DCC: variants seen among roughly 807,000 people sequenced by gnomAD.
The protein encoded by DCC is netrin receptor DCC.
In DCC, 58 loss-of-function variants were observed where a neutral mutation model predicts 172.5. The observed-to-expected ratio is 0.34, with a 90% confidence interval of 0.27 to 0.42. The LOEUF (loss-of-function observed/expected upper bound fraction) is 0.42, where lower values mean the gene tolerates loss of function less well. Among genes scored for constraint, DCC ranks in the 10% least tolerant of loss-of-function variants. The pLI is 1.00. For synonymous variants in DCC, 709 were observed against 644.5 expected, an observed-to-expected ratio of 1.10 and a Z score of -1.52; for missense variants, 1,740 against 1,791.0, an observed-to-expected ratio of 0.97 and a Z score of 0.51.
At chr18:53,170,615 T>C (rs2054998740) in intron 8 of DCC, among the ~76,000 whole-genome samples, 1 of 152,232 alleles carries the variant, frequency 6.6e-6, no homozygotes, top group Non-Finnish European at 1.5e-5. Flanking sequence ...TTTGTTATTA[T>C]AAAATAATAG....
At chr18:53,124,404 C>T (rs886535194) in intron 7 of DCC, among the ~76,000 whole-genome samples, 9 of 152,008 alleles carry the variant, frequency 5.9e-5, no homozygotes, top group Non-Finnish European at 1.0e-4. Flanking sequence ...AGTTCATAGT[C>T]AGCAATTTCA....
At position 52,906,243 on chromosome 18, in the gene DCC, G is replaced by A. The variant is rs144555146; in HGVS notation, c.612G>A (p.Pro204=). Residue 204 remains proline (P), a synonymous_variant, in exon 3 of 29, where the codon CCG becomes CCA. Transcript: ENST00000442544. The part of the protein sequence containing the change: ...SGALQISRLQ[P]GDIGIYRCSA... ...CATTGCAGATCAGCCGACTCCAACC[G>A]GGGGACATTGGAATTTACCGATGCT... 6.2e-6 allele frequency: 10 copies of A among 1,613,842 alleles called. No individual in the cohort carries two copies. Among genetic ancestry groups the A allele is most frequent in the African/African-American group, 4.0e-5 (3 of 75,026 alleles).
chr18:52,491,737 T>C (rs1207702385), intron 1 of DCC, among the ~76,000 whole-genome samples: 2 of 151,994 alleles, frequency 1.3e-5, no homozygotes, highest in African/African-American at 4.8e-5. Flanking sequence ...ATGTATGCAA[T>C]ATGGGAGAAG....
Position 53,386,121 on chromosome 18 carries a change from C to T in DCC, c.2438C>T (p.Thr813Ile), listed in dbSNP as rs1278768743. The change falls in exon 16 of 29, where the codon ACC becomes ATC. Residue 813 changes from threonine (T) to isoleucine (I), a missense_variant. This residue lies in a region of DCC where 1,732 missense variants were observed against 1,767.4 expected (regional missense o/e 0.98). Coordinates refer to ENST00000442544, the MANE Select transcript of DCC (RefSeq NM_005215.4). ...GGAGTTCCTCTTTATGAAAGTGCCACCACCAGGTCTATAACCGGTAAGTGA... is the reference window on the plus strand; with the variant it reads ...GGAGTTCCTCTTTATGAAAGTGCCATCACCAGGTCTATAACCGGTAAGTGA... ...GEGVPLYESA[T>I]TRSITDPTDP... The T allele has an allele frequency of 6.2e-7, 1 of 1,608,294 alleles. No individual in the cohort carries two copies. The highest frequency in any genetic ancestry group is 1.7e-5 in the Admixed American group (1 of 60,008).
At chr18:53,070,979 T>TTAAGTTTTGACAATAAACGGTC (rs1161199670) in intron 7 of DCC, among the ~76,000 whole-genome samples, 2 of 152,154 alleles carry the variant, frequency 1.3e-5, no homozygotes, top group Non-Finnish European at 2.9e-5. Context: ...CCCTCTCTGT[T>TTAAGTTTTGACAATAAACGGTC]TAAGTTTTGA....
At chr18:53,296,266 A>G (rs898564149) in intron 12 of DCC, among the ~76,000 whole-genome samples, 2 of 151,650 alleles carry the variant, frequency 1.3e-5, no homozygotes, top group Non-Finnish European at 2.9e-5. Context: ...CAGTCTCTCA[A>G]TCTCTGGATC....
At chr18:52,662,776 G>A (rs986334949) in intron 1 of DCC, among the ~76,000 whole-genome samples, 4 of 152,150 alleles carry the variant, frequency 2.6e-5, no homozygotes, top group African/African-American at 9.7e-5. Flanking sequence ...TAAACTGAGT[G>A]GCTTACACCA....
At chr18:53,528,924 TA>T (rs2046488663) in intron 28 of DCC, among the ~76,000 whole-genome samples, 2 of 151,974 alleles carry the variant, frequency 1.3e-5, no homozygotes, top group Admixed American at 1.3e-4. Flanking sequence ...CAATGAAATC[TA>T]GACAGTTTGA....
At chr18:52,556,588 C>A (rs2032921197) in intron 1 of DCC, among the ~76,000 whole-genome samples, 1 of 152,076 alleles carries the variant, frequency 6.6e-6, no homozygotes, top group South Asian at 2.1e-4. Flanking sequence ...TAGTGTCCTT[C>A]ATTTTCACAG....
chr18:52,950,694 G>C (rs894204060), intron 5 of DCC, among the ~76,000 whole-genome samples: 2 of 151,444 alleles, frequency 1.3e-5, no homozygotes, highest in African/African-American at 4.9e-5. Flanking sequence ...GGAGGCCGAG[G>C]GGGGTGGATC....
chr18:53,171,385 T>C lies in DCC; in HGVS notation c.1419-7577T>C, dbSNP rs183614975. Among the ~76,000 whole-genome samples the C allele has an allele frequency of 2.1e-3, 314 of 152,278 alleles. 2 individuals carry two copies. The Middle Eastern group carries it at 0.024, about 12-fold the overall frequency. ...GAGTTGTCTTGGAGGTGTATTTACATAGCAAGCACAATGCATTTGCCTGGG... is the reference window on the plus strand; with the variant it reads ...GAGTTGTCTTGGAGGTGTATTTACACAGCAAGCACAATGCATTTGCCTGGG... On this transcript the variant is annotated intron_variant, in intron 8 of 28. Coordinates refer to ENST00000442544, the MANE Select transcript of DCC (RefSeq NM_005215.4).
intron 1 of DCC, among the ~76,000 whole-genome samples, chr18:52,612,574 A>C (rs1031391039): frequency 6.8e-6 from 1 of 146,006 alleles, no homozygotes; most frequent in East Asian, 1.9e-4. Context: ...AGGCATTAAC[A>C]TGACTGAACC....
intron 7 of DCC, among the ~76,000 whole-genome samples, chr18:53,108,185 A>ACG (rs2043278603): frequency 6.6e-6 from 1 of 151,504 alleles, no homozygotes; most frequent in Non-Finnish European, 1.5e-5. Context: ...ACAGAAAAAC[A>ACG]CACACACACA....
At chr18:53,310,254 T>C (rs937977431) in intron 13 of DCC, among the ~76,000 whole-genome samples, 3 of 152,106 alleles carry the variant, frequency 2.0e-5, no homozygotes, top group Non-Finnish European at 4.4e-5. Flanking sequence ...CACTTTGTTG[T>C]AAGCAGAAGT....
intron 14 of DCC, among the ~76,000 whole-genome samples, chr18:53,334,360 T>C (rs1226222726): frequency 6.6e-6 from 1 of 152,208 alleles, no homozygotes; most frequent in Non-Finnish European, 1.5e-5. Flanking sequence ...TATAGTAACC[T>C]GGTCTGTAAG....
At chr18:52,444,066 G>A (rs1444582440) in intron 1 of DCC, among the ~76,000 whole-genome samples, 1 of 152,132 alleles carries the variant, frequency 6.6e-6, no homozygotes, top group African/African-American at 2.4e-5. Flanking sequence ...TCAAGAACCT[G>A]GACTGACTGT....
At chr18:52,617,419 C>T (rs2034404091) in intron 1 of DCC, among the ~76,000 whole-genome samples, 1 of 152,020 alleles carries the variant, frequency 6.6e-6, no homozygotes, top group African/African-American at 2.4e-5. Flanking sequence ...GGGATAGGGG[C>T]TTCGTCATCC....
intron 2 of DCC, among the ~76,000 whole-genome samples, chr18:52,871,335 G>C (rs564254027): frequency 7.0e-6 from 1 of 143,118 alleles, no homozygotes; most frequent in African/African-American, 2.6e-5. Flanking sequence ...TTTTTTTTTT[G>C]GCTGCCCACA....
At chr18:53,232,301 G>A (rs1306231537) in intron 12 of DCC, among the ~76,000 whole-genome samples, 1 of 152,120 alleles carries the variant, frequency 6.6e-6, no homozygotes, top group Non-Finnish European at 1.5e-5. Flanking sequence ...CCTCTGCATA[G>A]TTGCAAATGT....
Sources: allele counts gnomAD v4.1 joint callset (sites outside exome capture counted in the v4.1 genomes callset), GRCh38; gene constraint gnomAD v4.1.1; regional missense constraint gnomAD v4.1.1; transcripts MANE v1.5; gene names NCBI Gene and HGNC (gene_info 2026-07-23, HGNC 2026-07-21).